ITSN1: variants seen among roughly 807,000 people sequenced by gnomAD.
ITSN1 encodes intersectin-1.
In ITSN1, 58 loss-of-function variants were observed where a neutral mutation model predicts 239.8. The observed-to-expected ratio is 0.24, with a 90% CI of 0.20 to 0.30. The LOEUF (loss-of-function observed/expected upper bound fraction) is 0.30. Among genes scored for constraint, ITSN1 ranks in the 10% least tolerant of loss-of-function variants. The pLI is 1.00. For missense variants in ITSN1, 1,558 were observed against 2,103.3 expected, an observed-to-expected ratio of 0.74 and a Z score of 5.07; for synonymous variants, 780 against 770.8, an observed-to-expected ratio of 1.01 and a Z score of -0.20.
At chr21:33,851,245 C>A (rs1978303047) in intron 29 of ITSN1, among the ~76,000 whole-genome samples, 1 of 152,082 alleles carries the variant, frequency 6.6e-6, no homozygotes, top group Non-Finnish European at 1.5e-5. Context: ...TGCCCATAGC[C>A]CCCAGTGTAT....
At position 33,899,245 on chromosome 21, in the gene ITSN1, T is replaced by G. The variant is rs113741793; in HGVS notation, c.*10945T>G. 2.6e-5 allele frequency: 4 copies of G among 152,228 alleles called. No homozygotes were observed. Among genetic ancestry groups the G allele is most frequent in the Non-Finnish European group, 2.9e-5 (2 of 68,046 alleles). 9.4% of individuals were successfully genotyped at this position (152,228 alleles called of 1,614,324 possible). ...AGGAGTGCTAGCGAACCCTCCCAGA[T>G]AGCCTTTGCCTGTTTGGAAAAGAAT... is the stretch of plus-strand genomic sequence containing the variant. On this transcript the variant is annotated 3_prime_UTR_variant, in exon 40 of 40. Transcript: ENST00000381318.
intron 4 of ITSN1, among the ~76,000 whole-genome samples, chr21:33,729,230 C>T (rs1420429035): frequency 6.6e-6 from 1 of 152,114 alleles, no homozygotes. Context: ...GCAGGAGGAT[C>T]ACTTGAGCCC....
chr21:33,746,080 A>G (rs549729101), intron 5 of ITSN1, among the ~76,000 whole-genome samples: 2 of 152,294 alleles, frequency 1.3e-5, no homozygotes, highest in Admixed American at 1.3e-4. Context: ...TGCAGGTGCA[A>G]TCCGTAAAAA....
chr21:33,850,814 G>T (rs908245274), intron 29 of ITSN1, among the ~76,000 whole-genome samples: 1 of 152,194 alleles, frequency 6.6e-6, no homozygotes, highest in Non-Finnish European at 1.5e-5. Context: ...GAGGCCCAGG[G>T]TGTTGAAGGG....
chr21:33,881,620 A>G (rs1984928055), intron 34 of ITSN1, among the ~76,000 whole-genome samples: 2 of 152,204 alleles, frequency 1.3e-5, no homozygotes, highest in African/African-American at 4.8e-5. Context: ...TGCATAGAGC[A>G]GGGAGTCCCC....
intron 29 of ITSN1, among the ~76,000 whole-genome samples, chr21:33,851,498 A>G (rs1978315210): frequency 6.6e-6 from 1 of 151,316 alleles, no homozygotes; most frequent in Non-Finnish European, 1.5e-5. Flanking sequence ...TCCTGGGTTC[A>G]AGCGATTCTC....
intron 5 of ITSN1, among the ~76,000 whole-genome samples, chr21:33,746,959 G>A (rs755043374): frequency 2.0e-5 from 3 of 151,812 alleles, no homozygotes; most frequent in Non-Finnish European, 4.4e-5. Context: ...TTGGAGACCA[G>A]TCTGGCCAAC....
chr21:33,659,766 G>A (rs918916259), intron 1 of ITSN1, among the ~76,000 whole-genome samples: 3 of 135,808 alleles, frequency 2.2e-5, no homozygotes, highest in Admixed American at 1.6e-4. Context: ...AGGCTGGAGT[G>A]CAGTGAGATG....
rs1340152634 is a variant in ITSN1 at position 33,797,026 on chromosome 21, G to A, written c.1953-353G>A. ...AATGTGTTGTTCCCTTTGCTGGGGG[G>A]AAATTTTTACAGTGTTGGGTGTATT... On this transcript the variant is annotated intron_variant, in intron 17 of 39. Transcript: ENST00000381318. The surrounding 1 kb of genome is among the most constrained non-coding windows in gnomAD (Gnocchi z 4.9). Among the ~76,000 whole-genome samples the A allele has an allele frequency of 6.6e-6, 1 of 152,158 alleles. No individual in the cohort carries two copies. Among genetic ancestry groups the A allele is most frequent in the Non-Finnish European group, 1.5e-5 (1 of 68,026 alleles).
At chr21:33,701,109 A>G (rs575239889) in intron 1 of ITSN1, among the ~76,000 whole-genome samples, 2 of 152,160 alleles carry the variant, frequency 1.3e-5, no homozygotes, top group South Asian at 2.1e-4. Flanking sequence ...GCCTGGTCTC[A>G]GTAGTTAAGA....
chr21:33,801,995 AT>A (rs1291685932), intron 19 of ITSN1, among the ~76,000 whole-genome samples: 1 of 152,250 alleles, frequency 6.6e-6, no homozygotes, highest in Non-Finnish European at 1.5e-5. Context: ...AAGCAGATTA[AT>A]TGTAAAATAT....
intron 1 of ITSN1, among the ~76,000 whole-genome samples, chr21:33,668,968 G>C (rs2090091683): frequency 6.6e-6 from 1 of 152,246 alleles, no homozygotes; most frequent in African/African-American, 2.4e-5. Flanking sequence ...CGGCTGAAGG[G>C]GATGTGGCAA....
At chr21:33,818,947 A>G (rs1171875914) in intron 23 of ITSN1, among the ~76,000 whole-genome samples, 3 of 152,372 alleles carry the variant, frequency 2.0e-5, no homozygotes, top group Admixed American at 6.5e-5. Context: ...CTTTAAAAGG[A>G]TGAAAATAGC....
rs1371795954 is a variant in ITSN1 at position 33,865,427 on chromosome 21, T to C, written c.4074+93T>C. 2 of 1,097,622 alleles carry C rather than the reference T, an allele frequency of 1.8e-6. No individual in the cohort carries two copies. Among genetic ancestry groups the C allele is most frequent in the Non-Finnish European group, 2.5e-6 (2 of 784,408 alleles). The allele number at this position is 1,097,622 out of a possible 1,614,324, so 68.0% of individuals were successfully genotyped here. A position where few individuals can be genotyped will look rare whatever the true frequency, so the allele number is the denominator to read the frequency against. On this transcript the variant is annotated intron_variant, in intron 32 of 39. Transcript: ENST00000381318. The surrounding 1 kb of genome is among the most constrained non-coding windows in gnomAD (Gnocchi z 4.4). Reference sequence around the variant, plus strand: ...GGGCTAATTCAAAAGTCTGCAAGAGTGTTCCCACTAGAGGCCAACAGGGCC... The same window carrying C: ...GGGCTAATTCAAAAGTCTGCAAGAGCGTTCCCACTAGAGGCCAACAGGGCC...
intron 18 of ITSN1, among the ~76,000 whole-genome samples, chr21:33,799,303 T>G (rs563400748): frequency 6.6e-6 from 1 of 152,294 alleles, no homozygotes; most frequent in South Asian, 2.1e-4. Flanking sequence ...AAATCAGCAC[T>G]TAGTTTTTAT....
chr21:33,864,507 C>T (rs964059973), intron 31 of ITSN1, among the ~76,000 whole-genome samples: 6 of 152,188 alleles, frequency 3.9e-5, no homozygotes, highest in African/African-American at 1.4e-4. Context: ...CCATCAACAC[C>T]TCTCCTGAAT....
Position 33,888,292 on chromosome 21 carries a change from G to A in ITSN1, c.5158G>A (p.Glu1720Lys), listed in dbSNP as rs1986094522. The A allele has an allele frequency of 1.2e-6, 2 of 1,613,286 alleles. No individual in the cohort carries two copies. Among genetic ancestry groups the A allele is most frequent in the Non-Finnish European group, 1.7e-6 (2 of 1,179,696 alleles). Reference sequence around the variant, plus strand: ...CCGCTTGGACCTGCAGTTGTTTGATGAGCCGTAGGCAGCGGGCTCAGGGTG... The same window carrying A: ...CCGCTTGGACCTGCAGTTGTTTGATAAGCCGTAGGCAGCGGGCTCAGGGTG... ...VVRLDLQLFDEP is the reference protein window; with the variant it reads ...VVRLDLQLFDKP Residue 1720 changes from glutamate (E) to lysine (K), a missense_variant, in exon 40 of 40, where the codon GAG becomes AAG. Transcript: ENST00000381318.
chr21:33,856,900 A>C, intron 30 of ITSN1, 43 bp downstream of exon 30: 1 of 1,578,222 alleles, frequency 6.3e-7, no homozygotes, highest in Non-Finnish European at 8.7e-7. Flanking sequence ...GGGGGCGATG[A>C]CGGAGGGAGA....
chr21:33,807,908 G>A lies in ITSN1; in HGVS notation c.2320-3067G>A, dbSNP rs535474205. On this transcript the variant is annotated intron_variant, in intron 20 of 39. Coordinates refer to ENST00000381318, the MANE Select transcript of ITSN1 (RefSeq NM_003024.3). ...TAAAGTCAAGACCAGGCTTTTGGCC[G>A]GGCGCGGTGGCTCACGCCTGTAATC... Among the ~76,000 whole-genome samples the A allele has an allele frequency of 6.6e-5, 10 of 152,092 alleles. No homozygotes were observed. The South Asian group carries it at 1.0e-3, about 16-fold the overall frequency.
Sources: allele counts gnomAD v4.1 joint callset (sites outside exome capture counted in the v4.1 genomes callset), GRCh38; gene constraint gnomAD v4.1.1; non-coding constraint Gnocchi (gnomAD v3.1); transcripts MANE v1.5; gene names NCBI Gene and HGNC (gene_info 2026-07-23, HGNC 2026-07-21).